Variants in CDH2 observed in about 807,000 individuals in gnomAD.
CDH2 encodes cadherin-2.
CDH2 carries 17 observed loss-of-function variants against 92.0 expected under a neutral mutation model. That is an observed-to-expected ratio of 0.18 (90% CI 0.13 to 0.28). The LOEUF (loss-of-function observed/expected upper bound fraction) is 0.28. Among genes scored for constraint, CDH2 ranks in the 10% least tolerant of loss-of-function variants. CDH2 has a pLI of 1.00. For synonymous variants in CDH2, 419 were observed against 415.9 expected, an observed-to-expected ratio of 1.01 and a Z score of -0.09; for missense variants, 862 against 1,133.1, an observed-to-expected ratio of 0.76 and a Z score of 3.44.
chr18:27,938,999 G>T (rs1456794191), intron 6 of CDH2, among the ~76,000 whole-genome samples: 3 of 152,150 alleles, frequency 2.0e-5, no homozygotes, highest in Admixed American at 6.5e-5. Context: ...TTTATACAAA[G>T]TACCTATCTC....
chr18:28,004,775 A>G (rs1429438353), intron 6 of CDH2, among the ~76,000 whole-genome samples: 1 of 152,164 alleles, frequency 6.6e-6, no homozygotes, highest in Non-Finnish European at 1.5e-5. Flanking sequence ...TGACGATGTG[A>G]CTTAGAAGGA....
intron 15 of CDH2, among the ~76,000 whole-genome samples, chr18:27,959,113 T>C (rs929990525): frequency 1.3e-4 from 20 of 152,188 alleles, no homozygotes; most frequent in African/African-American, 4.6e-4. Flanking sequence ...AGTAAAATTA[T>C]TGGAGGTATA....
intron 1 of CDH2, among the ~76,000 whole-genome samples, chr18:28,155,775 T>A (rs2016199990): frequency 6.6e-6 from 1 of 152,172 alleles, no homozygotes; most frequent in Non-Finnish European, 1.5e-5. Context: ...TTAATCCAAT[T>A]TCTCACCATA....
At chr18:28,114,288 T>G (rs192111204) in intron 2 of CDH2, among the ~76,000 whole-genome samples, 9 of 152,252 alleles carry the variant, frequency 5.9e-5, no homozygotes, top group East Asian at 1.9e-4. Flanking sequence ...ATTATATGTA[T>G]AGAAATATCT....
At chr18:28,125,539 T>C (rs1488586469) in intron 2 of CDH2, among the ~76,000 whole-genome samples, 1 of 152,136 alleles carries the variant, frequency 6.6e-6, no homozygotes, top group East Asian at 1.9e-4. Context: ...GAGAATGGAC[T>C]TATCCACCCT....
rs987293853 is a variant in CDH2 at position 28,032,373 on chromosome 18, T to G, written c.173-18464A>C. 1.3e-5 allele frequency among the ~76,000 whole-genome samples: 2 copies of G among 152,144 alleles called. 1 individual carries two copies. Among genetic ancestry groups the G allele is most frequent in the South Asian group, 4.1e-4 (2 of 4,836 alleles). On this transcript the variant is annotated intron_variant, in intron 2 of 15. Coordinates refer to ENST00000269141, the MANE Select transcript of CDH2 (RefSeq NM_001792.5). ...AACCCTGCTTCAACGAGAATGTGTG[T>G]TGAATGATTCATAACATAAGAAAAC...
intron 2 of CDH2, among the ~76,000 whole-genome samples, chr18:28,135,602 C>T (rs989719279): frequency 1.3e-4 from 20 of 152,088 alleles, no homozygotes; most frequent in Admixed American, 2.6e-4. Context: ...AATATAAATG[C>T]AAAGAGATGC....
chr18:28,032,239 A>C (rs564473957), intron 2 of CDH2, among the ~76,000 whole-genome samples: 12 of 152,210 alleles, frequency 7.9e-5, no homozygotes, highest in Non-Finnish European at 1.5e-4. Flanking sequence ...AACCAACAAC[A>C]ACAGTCTGGT....
intron 2 of CDH2, among the ~76,000 whole-genome samples, chr18:28,083,510 A>G (rs1037219192): frequency 6.6e-6 from 1 of 152,184 alleles, no homozygotes; most frequent in Admixed American, 6.5e-5. Flanking sequence ...TCATTTTATG[A>G]TTAAGGAAAC....
At chr18:28,149,515 T>G (rs908680043) in intron 1 of CDH2, among the ~76,000 whole-genome samples, 6 of 152,168 alleles carry the variant, frequency 3.9e-5, no homozygotes, top group Non-Finnish European at 8.8e-5. Context: ...ACATCCCAAA[T>G]TCAGACTGAA....
At chr18:28,012,184 G>A (rs1276191257) in intron 3 of CDH2, among the ~76,000 whole-genome samples, 192 bp from the exon 4 acceptor site, 2 of 152,044 alleles carry the variant, frequency 1.3e-5, no homozygotes, top group African/African-American at 2.4e-5. Context: ...GTTATACTGT[G>A]TATCTGAAAA....
In CDH2 at chr18:27,985,576, A is replaced by C. The variant is rs199678478; in HGVS notation, c.1927T>G (p.Leu643Val). Residue 643 changes from leucine to valine, a missense_variant, in exon 12 of 16, where the codon TTA (leucine) becomes GTA (valine). Coordinates refer to ENST00000269141, the MANE Select transcript of CDH2 (RefSeq NM_001792.5). The stretch of plus-strand genomic sequence containing the variant: ...TTTCTCTTAATAGTCACTGGAGATA[A>C]AGGAAGATCAAAAGCAAATGGTCCA... Reference protein sequence around the residue: ...NAGPFAFDLPLSPVTIKRNWT... With the variant: ...NAGPFAFDLPVSPVTIKRNWT... The C allele has an allele frequency of 8.7e-6, 14 of 1,613,924 alleles. No homozygotes were observed. In the East Asian group the frequency reaches 1.3e-4, roughly 15 times the overall value.
At chr18:28,021,386 C>T (rs1008700170) in intron 2 of CDH2, among the ~76,000 whole-genome samples, 1 of 151,830 alleles carries the variant, frequency 6.6e-6, no homozygotes, top group Non-Finnish European at 1.5e-5. Context: ...AGAAAATACG[C>T]TTCCTTAGAC....
At chr18:28,001,674 T>C (rs2144005824) in intron 7 of CDH2, among the ~76,000 whole-genome samples, 1 of 152,338 alleles carries the variant, frequency 6.6e-6, no homozygotes, top group South Asian at 2.1e-4. Flanking sequence ...GAAAAAGAAC[T>C]GTTGATGCCT....
chr18:28,122,472 G>A (rs1025634294), intron 2 of CDH2, among the ~76,000 whole-genome samples: 1 of 151,874 alleles, frequency 6.6e-6, no homozygotes, highest in Non-Finnish European at 1.5e-5. Context: ...CACATTTTAC[G>A]CTATTAGCAA....
chr18:27,943,142 A>G (rs1909184907), intron 6 of CDH2, among the ~76,000 whole-genome samples: 1 of 152,116 alleles, frequency 6.6e-6, no homozygotes. Flanking sequence ...GACTATCTGA[A>G]CACCCCAAAA....
At chr18:28,121,841 C>T (rs1314619956) in intron 2 of CDH2, among the ~76,000 whole-genome samples, 3 of 151,902 alleles carry the variant, frequency 2.0e-5, no homozygotes, top group Non-Finnish European at 4.4e-5. Context: ...TGTAAAAACC[C>T]CAAGCAGCGA....
chr18:28,164,974 G>A (rs1327573008), intron 1 of CDH2, among the ~76,000 whole-genome samples: 7 of 152,280 alleles, frequency 4.6e-5, no homozygotes, highest in Non-Finnish European at 7.4e-5. Flanking sequence ...GAACACTGGT[G>A]GTAGGTAGTC....
At chr18:28,128,680 C>T (rs548160933) in intron 2 of CDH2, among the ~76,000 whole-genome samples, 140 of 150,182 alleles carry the variant, frequency 9.3e-4, no homozygotes, top group African/African-American at 3.0e-3. Context: ...GGCACGACCC[C>T]GTCTCAAAAA....
Sources: gnomAD v4.1 joint callset for allele counts (sites outside exome capture counted in the v4.1 genomes callset) on GRCh38, gnomAD v4.1.1 for gene constraint, MANE v1.5 for transcripts, NCBI Gene and HGNC (gene_info 2026-07-23, HGNC 2026-07-21) for gene names.